Variants in LUZP2 observed in about 807,000 individuals in gnomAD.
LUZP2 encodes the protein leucine zipper protein 2.
A neutral mutation model predicts 51.6 loss-of-function variants in LUZP2; 52 were observed. The ratio of observed to expected loss-of-function variants is 1.01; its 90% CI spans 0.81 to 1.27. The LOEUF is 1.27. LUZP2 is among the 50% of genes most tolerant of loss of function. LUZP2 has a pLI of 0.00. For missense variants in LUZP2, 436 were observed against 395.4 expected (o/e 1.10, Z -0.87); for synonymous variants, 154 against 137.3 (o/e 1.12, Z -0.85).
At chr11:24,806,212 A>T (rs1246862306) in intron 5 of LUZP2, among the ~76,000 whole-genome samples, 1 of 152,202 alleles carries the variant, frequency 6.6e-6, no homozygotes, top group Non-Finnish European at 1.5e-5. Flanking sequence ...GGGTAGGAAC[A>T]TACAGTGATG....
intron 1 of LUZP2, among the ~76,000 whole-genome samples, chr11:24,617,934 A>AC (rs1303135516): frequency 6.6e-6 from 1 of 152,214 alleles, no homozygotes; most frequent in East Asian, 1.9e-4. Flanking sequence ...TCTTATTTAA[A>AC]CCATCTGTTT....
intron 5 of LUZP2, among the ~76,000 whole-genome samples, chr11:24,777,923 CT>C (rs34570275): frequency 1.3e-5 from 2 of 151,646 alleles, no homozygotes; most frequent in African/African-American, 2.4e-5. Context: ...AGAAAAAAGT[CT>C]TTTTTTAATA....
At chr11:24,711,491 A>AAAT (rs768495910) in intron 1 of LUZP2, among the ~76,000 whole-genome samples, 6 of 118,278 alleles carry the variant, frequency 5.1e-5, no homozygotes, top group East Asian at 4.4e-4. Context: ...ATAAATAAAT[A>AAAT]AAGATTTTCT....
intron 1 of LUZP2, among the ~76,000 whole-genome samples, chr11:24,667,080 C>A (rs1289896879): frequency 6.6e-6 from 1 of 151,948 alleles, no homozygotes; most frequent in Non-Finnish European, 1.5e-5. Context: ...GTGATATATA[C>A]ATATTAAGCA....
intron 5 of LUZP2, among the ~76,000 whole-genome samples, chr11:24,796,682 T>C (rs1045249272): frequency 2.6e-5 from 4 of 152,132 alleles, no homozygotes; most frequent in African/African-American, 9.6e-5. Flanking sequence ...TGTGGTCTAA[T>C]TGGACCAACA....
intron 10 of LUZP2, among the ~76,000 whole-genome samples, chr11:25,059,800 A>G (rs1302361951): frequency 6.6e-6 from 1 of 152,198 alleles, no homozygotes; most frequent in Non-Finnish European, 1.5e-5. Context: ...GGCAATGTCT[A>G]GATTTTGTAA....
At chr11:24,922,388 A>G (rs577854493) in intron 7 of LUZP2, among the ~76,000 whole-genome samples, 37 of 152,284 alleles carry the variant, frequency 2.4e-4, no homozygotes, top group Admixed American at 6.5e-4. Context: ...TTATTTCCTG[A>G]TGATTCCAGA....
chr11:24,780,199 T>C (rs1189163042), intron 5 of LUZP2, among the ~76,000 whole-genome samples: 1 of 152,166 alleles, frequency 6.6e-6, no homozygotes, highest in Non-Finnish European at 1.5e-5. Context: ...TGTTTTATGA[T>C]GGTGGATTCC....
In LUZP2 at chr11:25,070,542, G is replaced by A. The variant is rs183247499; in HGVS notation, c.859-6787G>A. ...TGTGAGAACCTATCAAGAGGAGGTTGTTATATAAGGTTTGCACACCAGTGG... is the reference window on the plus strand; with the variant it reads ...TGTGAGAACCTATCAAGAGGAGGTTATTATATAAGGTTTGCACACCAGTGG... On this transcript the variant is annotated intron_variant, in intron 10 of 11. Transcript: ENST00000336930. 1.8e-4 allele frequency among the ~76,000 whole-genome samples: 19 copies of A among 106,134 alleles called. No individual in the cohort carries two copies. In the East Asian group the frequency reaches 3.8e-3, roughly 21 times the overall value. 69.6% of individuals were successfully genotyped at this position (106,134 alleles called of 152,430 possible).
At chr11:24,699,817 C>T (rs896931452) in intron 1 of LUZP2, among the ~76,000 whole-genome samples, 1 of 149,254 alleles carries the variant, frequency 6.7e-6, no homozygotes, top group African/African-American at 2.5e-5. Flanking sequence ...GATGATATTT[C>T]ATAGGAGTGT....
chr11:24,666,320 A>G (rs374406778), intron 1 of LUZP2, among the ~76,000 whole-genome samples: 7 of 152,188 alleles, frequency 4.6e-5, no homozygotes, highest in South Asian at 4.1e-4. Context: ...GAAGAAATAC[A>G]TGGGTGCCTG....
At chr11:24,844,340 G>A (rs752499481) in intron 5 of LUZP2, among the ~76,000 whole-genome samples, 2 of 152,154 alleles carry the variant, frequency 1.3e-5, no homozygotes, top group Non-Finnish European at 2.9e-5. Flanking sequence ...GTAGAACTTA[G>A]AACTTGAGAG....
chr11:24,652,413 C>A (rs1004283034), intron 1 of LUZP2, among the ~76,000 whole-genome samples: 2 of 151,890 alleles, frequency 1.3e-5, no homozygotes, highest in Non-Finnish European at 2.9e-5. Flanking sequence ...AGTAGAGAAG[C>A]CTCAATCTTA....
chr11:24,607,200 A>C (rs890282077), intron 1 of LUZP2, among the ~76,000 whole-genome samples: 1 of 151,860 alleles, frequency 6.6e-6, no homozygotes, highest in African/African-American at 2.4e-5. Flanking sequence ...CAAATCCAAA[A>C]AAAAAAATTG....
At chr11:24,612,724 C>CTAATCCAT (rs1428233079) in intron 1 of LUZP2, among the ~76,000 whole-genome samples, 2 of 152,050 alleles carry the variant, frequency 1.3e-5, no homozygotes, top group African/African-American at 2.4e-5. Flanking sequence ...TGTTCATAAT[C>CTAATCCAT]TAATCCATTT....
At chr11:24,850,687 C>G (rs549264767) in intron 5 of LUZP2, among the ~76,000 whole-genome samples, 15 of 152,142 alleles carry the variant, frequency 9.9e-5, no homozygotes, top group Non-Finnish European at 2.1e-4. Context: ...GGAGATAGCA[C>G]TGAATCTATA....
intron 5 of LUZP2, among the ~76,000 whole-genome samples, chr11:24,800,286 C>T (rs181968113): frequency 2.1e-4 from 32 of 152,176 alleles, no homozygotes; most frequent in African/African-American, 5.3e-4. Flanking sequence ...TGAAAGACTC[C>T]GTGGCCCCCT....
intron 5 of LUZP2, among the ~76,000 whole-genome samples, chr11:24,860,422 C>A (rs932771469): frequency 9.2e-5 from 14 of 152,126 alleles, no homozygotes; most frequent in African/African-American, 3.1e-4. Context: ...CCCAGTGAAG[C>A]ACAGCCCCAC....
At chr11:24,684,815 A>G (rs1856847635) in intron 1 of LUZP2, among the ~76,000 whole-genome samples, 2 of 152,136 alleles carry the variant, frequency 1.3e-5, no homozygotes, top group Admixed American at 1.3e-4. Flanking sequence ...CCAACTAGGA[A>G]TTTATGGGAT....
Sources: gnomAD v4.1 joint callset for allele counts (sites outside exome capture counted in the v4.1 genomes callset) on GRCh38, gnomAD v4.1.1 for gene constraint, MANE v1.5 for transcripts, NCBI Gene and HGNC (gene_info 2026-07-23, HGNC 2026-07-21) for gene names.